LTBP2: variants seen among roughly 807,000 people sequenced by gnomAD.
LTBP2 encodes latent-transforming growth factor beta-binding protein 2.
LTBP2 carries 103 observed loss-of-function variants against 210.6 expected under a neutral mutation model. The observed-to-expected ratio is 0.49, with a 90% CI of 0.42 to 0.58. The LOEUF (loss-of-function observed/expected upper bound fraction) is 0.58. LTBP2 is among the 20% of genes least tolerant of loss of function. LTBP2 has a pLI of 0.00. For missense variants in LTBP2, 2,313 were observed against 2,494.5 expected (o/e 0.93, Z 1.55); for synonymous variants, 1,007 against 1,015.0 (o/e 0.99, Z 0.15).
chr14:74,561,321 G>GA (rs906499034), intron 3 of LTBP2, among the ~76,000 whole-genome samples: 4 of 149,618 alleles, frequency 2.7e-5, no homozygotes, highest in Admixed American at 6.6e-5. Context: ...CCCTCTCAAA[G>GA]AAAAAAAAAG....
intron 3 of LTBP2, among the ~76,000 whole-genome samples, chr14:74,567,112 T>G (rs1435110973): frequency 6.6e-6 from 1 of 152,148 alleles, no homozygotes; most frequent in Non-Finnish European, 1.5e-5. Flanking sequence ...GAGGGAGGCA[T>G]GAGCTCTGCG....
intron 3 of LTBP2, among the ~76,000 whole-genome samples, chr14:74,562,859 G>C (rs574411136): frequency 3.3e-5 from 5 of 152,158 alleles, no homozygotes; most frequent in Admixed American, 2.6e-4. Context: ...ATTTGGCAAC[G>C]TCTATCCACA....
At chr14:74,602,393 C>CAGT (rs1555354083) in intron 2 of LTBP2, among the ~76,000 whole-genome samples, 2,059 of 152,150 alleles carry the variant, frequency 0.014, 24 homozygotes, top group Admixed American at 0.037. Flanking sequence ...GCAGTAGCAG[C>CAGT]AGCAGTGACA....
At chr14:74,603,862 T>A (rs965171353) in intron 1 of LTBP2, among the ~76,000 whole-genome samples, 157 bp from the exon 2 acceptor site, 3 of 152,088 alleles carry the variant, frequency 2.0e-5, no homozygotes, top group African/African-American at 7.2e-5. Context: ...TAAGATTGAA[T>A]CCTGACTCTG....
At chr14:74,573,190 C>T (rs778097051) in intron 3 of LTBP2, among the ~76,000 whole-genome samples, 16 of 152,166 alleles carry the variant, frequency 1.1e-4, no homozygotes, top group Non-Finnish European at 1.8e-4. Context: ...GAGGCTGGTT[C>T]GCACAATGAC....
intron 1 of LTBP2, among the ~76,000 whole-genome samples, chr14:74,605,298 T>G (rs922858305): frequency 6.6e-6 from 1 of 152,210 alleles, no homozygotes; most frequent in African/African-American, 2.4e-5. Flanking sequence ...CGGAGGCCCA[T>G]TCCTGGCCCT....
chr14:74,574,056 C>T (rs902253022), intron 3 of LTBP2, among the ~76,000 whole-genome samples: 24 of 152,276 alleles, frequency 1.6e-4, no homozygotes, highest in African/African-American at 5.8e-4. Flanking sequence ...TCAGCTTATT[C>T]AATAAGGCTC....
chr14:74,535,442 G>A (rs927483153), intron 9 of LTBP2, among the ~76,000 whole-genome samples: 7 of 152,278 alleles, frequency 4.6e-5, no homozygotes, highest in African/African-American at 7.2e-5. Flanking sequence ...CGTGCTCCCC[G>A]TCCCCTTTCC....
chr14:74,555,035 A>C (rs1490529396), intron 4 of LTBP2, among the ~76,000 whole-genome samples: 1 of 152,072 alleles, frequency 6.6e-6, no homozygotes, highest in Non-Finnish European at 1.5e-5. Context: ...ATGTCCAGGC[A>C]CACAGGGAGG....
chr14:74,521,824 G>A (rs750588020), intron 17 of LTBP2, 87 bp downstream of exon 17: 45 of 1,553,944 alleles, frequency 2.9e-5, no homozygotes, highest in South Asian at 6.7e-5. Flanking sequence ...TCTGCGGCAC[G>A]GTGTTTGGGG....
intron 8 of LTBP2, among the ~76,000 whole-genome samples, chr14:74,543,242 A>G (rs564460271): frequency 2.0e-5 from 3 of 151,850 alleles, no homozygotes; most frequent in East Asian, 4.0e-4. Context: ...GCTGGGTGTG[A>G]TGGCGGGCAC....
chr14:74,559,144 C>T (rs2087762830), intron 3 of LTBP2, among the ~76,000 whole-genome samples: 1 of 152,162 alleles, frequency 6.6e-6, no homozygotes, highest in African/African-American at 2.4e-5. Flanking sequence ...AAATACATCT[C>T]CCCAAGCAAA....
At chr14:74,567,498 G>C (rs1018094799) in intron 3 of LTBP2, among the ~76,000 whole-genome samples, 1 of 152,134 alleles carries the variant, frequency 6.6e-6, no homozygotes, top group African/African-American at 2.4e-5. Flanking sequence ...GGTTCTCAGG[G>C]CTCCAGGAAA....
Position 74,516,961 on chromosome 14 carries a change from C to T in LTBP2, c.2789-20G>A. 1 of 1,550,072 alleles carries T rather than the reference C, an allele frequency of 6.5e-7. No homozygotes were observed. Among genetic ancestry groups the T allele is most frequent in the Non-Finnish European group, 8.7e-7 (1 of 1,146,974 alleles). Reference sequence around the variant, plus strand: ...TGATATCTGTGAACACACAGAAAAGCCCTGAGTCACAGCCAGCCCTGGAGG... The same window carrying T: ...TGATATCTGTGAACACACAGAAAAGTCCTGAGTCACAGCCAGCCCTGGAGG... On this transcript the variant is annotated intron_variant, in intron 17 of 35. Transcript: ENST00000261978.
chr14:74,523,259 ATCCC>A (rs1452178300), intron 15 of LTBP2, among the ~76,000 whole-genome samples: 2 of 152,050 alleles, frequency 1.3e-5, no homozygotes, highest in East Asian at 3.9e-4. Context: ...GCCCAGCGCC[ATCCC>A]TCCCTGCAAC....
At position 74,531,096 on chromosome 14, in the gene LTBP2, C is replaced by A. The variant is rs371225066; in HGVS notation, c.1987+1330G>T. ...CCTTTGAACCCCAGGGTGGAGATGA[C>A]CCAGGTGGGAATATCAGGAGGCTGG... On this transcript the variant is annotated intron_variant, in intron 10 of 35. Coordinates refer to ENST00000261978, the MANE Select transcript of LTBP2 (RefSeq NM_000428.3). 1.2e-3 allele frequency among the ~76,000 whole-genome samples: 181 copies of A among 152,274 alleles called. 1 individual carries two copies. The highest frequency in any genetic ancestry group is 4.2e-3 in the African/African-American group (173 of 41,550).
At chr14:74,520,615 A>G (rs1031600073) in intron 17 of LTBP2, among the ~76,000 whole-genome samples, 1 of 152,188 alleles carries the variant, frequency 6.6e-6, no homozygotes, top group Non-Finnish European at 1.5e-5. Context: ...AGCCTGGCCA[A>G]TATGGTAAAA....
In LTBP2 at chr14:74,504,041, A is replaced by G. The variant is rs80088294; in HGVS notation, c.4467T>C (p.Cys1489=). ...GGCAGAGACCAGGCCCGAATATCAC[A>G]CACTCATCCGCATCTGTGGAAGGCA... ...GQTMYTDADE[C]VIFGPGLCPN... The change falls in exon 31 of 36, where the codon TGT becomes TGC. Residue 1489 remains cysteine, a synonymous_variant. Coordinates refer to ENST00000261978, the MANE Select transcript of LTBP2 (RefSeq NM_000428.3). 2.8e-4 allele frequency: 454 copies of G among 1,613,960 alleles called. No homozygotes were observed. The African/African-American group carries it at 4.7e-3, about 17-fold the overall frequency.
intron 1 of LTBP2, among the ~76,000 whole-genome samples, chr14:74,607,894 G>A (rs2088549203): frequency 6.6e-6 from 1 of 151,774 alleles, no homozygotes; most frequent in African/African-American, 2.4e-5. Flanking sequence ...AAATATTAAG[G>A]TTTGATAAAA....
Sources: gnomAD v4.1 joint callset for allele counts (sites outside exome capture counted in the v4.1 genomes callset) on GRCh38, gnomAD v4.1.1 for gene constraint, MANE v1.5 for transcripts, NCBI Gene and HGNC (gene_info 2026-07-23, HGNC 2026-07-21) for gene names.